ZNF521: variants seen among roughly 807,000 people sequenced by gnomAD.
The protein encoded by ZNF521 is zinc finger protein 521, also known as LYST-interacting protein 3.
Under a neutral mutation model 105.5 loss-of-function variants are expected in ZNF521, and 14 were observed. That is an observed-to-expected ratio of 0.13 (90% confidence interval 0.09 to 0.21). The LOEUF (loss-of-function observed/expected upper bound fraction) is 0.21. Among genes scored for constraint, ZNF521 ranks in the 10% least tolerant of loss-of-function variants. ZNF521 has a pLI of 1.00. For missense variants in ZNF521, 1,233 were observed against 1,629.7 expected (o/e 0.76, Z 4.19); for synonymous variants, 635 against 606.0 (o/e 1.05, Z -0.70).
intron 2 of ZNF521, among the ~76,000 whole-genome samples, chr18:25,335,130 G>A (rs1913797585): frequency 6.6e-6 from 1 of 152,196 alleles, no homozygotes; most frequent in African/African-American, 2.4e-5. Context: ...TAAGGAAGGT[G>A]ATGCTCTCAG....
chr18:25,340,313 C>T (rs1457426415), intron 2 of ZNF521, among the ~76,000 whole-genome samples: 2 of 152,086 alleles, frequency 1.3e-5, no homozygotes, highest in African/African-American at 4.8e-5. Context: ...CAAGATAGCA[C>T]CACTACACTC....
At chr18:25,285,681 T>TTCTCTC (rs367897394) in intron 3 of ZNF521, among the ~76,000 whole-genome samples, 2 of 146,626 alleles carry the variant, frequency 1.4e-5, no homozygotes, top group African/African-American at 2.5e-5. Context: ...GTAGTTGCAC[T>TTCTCTC]TCTCTCTCTC....
At chr18:25,157,078 A>G (rs2035159201) in intron 5 of ZNF521, among the ~76,000 whole-genome samples, 1 of 152,118 alleles carries the variant, frequency 6.6e-6, no homozygotes, top group African/African-American at 2.4e-5. Flanking sequence ...GGGCACCTGC[A>G]GTCCCAGCTA....
chr18:25,105,481 G>A (rs2034053683), intron 5 of ZNF521, among the ~76,000 whole-genome samples: 1 of 152,124 alleles, frequency 6.6e-6, no homozygotes, highest in African/African-American at 2.4e-5. Context: ...GACTCTTATT[G>A]TTGCTAAGAT....
At chr18:25,283,933 C>T (rs113105905) in intron 3 of ZNF521, among the ~76,000 whole-genome samples, 1 of 133,348 alleles carries the variant, frequency 7.5e-6, no homozygotes, top group East Asian at 2.6e-4. Flanking sequence ...CCCCCCCCCC[C>T]AAAAAAATTC....
At chr18:25,120,612 A>C (rs1282946597) in intron 5 of ZNF521, among the ~76,000 whole-genome samples, 6 of 145,630 alleles carry the variant, frequency 4.1e-5, no homozygotes, top group African/African-American at 8.3e-5. Flanking sequence ...ACCACAAACA[A>C]ACAAACAAAC....
At chr18:25,146,104 A>C (rs531976544) in intron 5 of ZNF521, among the ~76,000 whole-genome samples, 4 of 152,170 alleles carry the variant, frequency 2.6e-5, no homozygotes, top group Non-Finnish European at 5.9e-5. Context: ...ATGGATTAGG[A>C]GACTGAGTCT....
chr18:25,171,810 T>C (rs576772971), intron 5 of ZNF521, among the ~76,000 whole-genome samples: 1 of 152,236 alleles, frequency 6.6e-6, no homozygotes, highest in East Asian at 1.9e-4. Flanking sequence ...AAATTAAACC[T>C]TATGCTAAAA....
chr18:25,328,899 T>C (rs1913393570), intron 2 of ZNF521, among the ~76,000 whole-genome samples: 1 of 152,186 alleles, frequency 6.6e-6, no homozygotes, highest in African/African-American at 2.4e-5. Context: ...AAAGACACAA[T>C]GGAAGAAAGC....
intron 3 of ZNF521, among the ~76,000 whole-genome samples, chr18:25,296,151 A>G (rs1911309070): frequency 6.6e-6 from 1 of 152,132 alleles, no homozygotes. Flanking sequence ...TGTTACTTAG[A>G]GTCTATTTTA....
chr18:25,306,092 A>T (rs572423499), intron 3 of ZNF521, among the ~76,000 whole-genome samples: 1 of 152,284 alleles, frequency 6.6e-6, no homozygotes, highest in African/African-American at 2.4e-5. Flanking sequence ...CCCTCTATCC[A>T]TTACACTGAC....
chr18:25,184,274 A>C (rs1474744102), intron 5 of ZNF521, among the ~76,000 whole-genome samples: 3 of 152,216 alleles, frequency 2.0e-5, no homozygotes, highest in African/African-American at 7.2e-5. Flanking sequence ...AGCATATTTT[A>C]ACCTGTTACA....
intron 3 of ZNF521, among the ~76,000 whole-genome samples, chr18:25,300,687 A>G (rs1314534212): frequency 6.6e-6 from 1 of 152,126 alleles, no homozygotes; most frequent in Non-Finnish European, 1.5e-5. Context: ...AACCGCAATT[A>G]CTTTTGCACC....
chr18:25,073,334 T>C (rs1028994710), intron 7 of ZNF521, among the ~76,000 whole-genome samples: 1 of 152,256 alleles, frequency 6.6e-6, no homozygotes, highest in Non-Finnish European at 1.5e-5. Flanking sequence ...CGGAAGGTTT[T>C]TGAAGAGAAT....
At chr18:25,223,907 T>C (rs1905907278) in intron 4 of ZNF521, 2 of 228,690 alleles carry the variant, frequency 8.7e-6, no homozygotes, top group South Asian at 3.5e-4. Flanking sequence ...CCCTACCCAA[T>C]TTGTTATCCC....
At chr18:25,228,412 G>A (rs564713461) in intron 3 of ZNF521, among the ~76,000 whole-genome samples, 168 of 152,306 alleles carry the variant, frequency 1.1e-3, no homozygotes, top group African/African-American at 3.8e-3. Flanking sequence ...ATGTTAGAAG[G>A]GTACTGCTAG....
intron 2 of ZNF521, among the ~76,000 whole-genome samples, chr18:25,340,962 G>A: frequency 6.6e-6 from 1 of 152,138 alleles, no homozygotes; most frequent in South Asian, 2.1e-4. Context: ...TTGGTATAAT[G>A]ATGCAATAGT....
At chr18:25,164,561 G>C (rs1418100345) in intron 5 of ZNF521, among the ~76,000 whole-genome samples, 1 of 152,190 alleles carries the variant, frequency 6.6e-6, no homozygotes, top group Non-Finnish European at 1.5e-5. Context: ...ACTGCATGCG[G>C]GTATAGCAAT....
At chr18:25,267,366 C>T (rs1390779527) in intron 3 of ZNF521, among the ~76,000 whole-genome samples, 1 of 152,176 alleles carries the variant, frequency 6.6e-6, no homozygotes, top group African/African-American at 2.4e-5. Flanking sequence ...CAGACTTAAA[C>T]GTCCCTGCCT....
Sources: allele counts gnomAD v4.1 joint callset (sites outside exome capture counted in the v4.1 genomes callset), GRCh38; gene constraint gnomAD v4.1.1; transcripts MANE v1.5; gene names NCBI Gene and HGNC (gene_info 2026-07-23, HGNC 2026-07-21).